MROH2A: variants seen among roughly 807,000 people sequenced by gnomAD.
MROH2A encodes maestro heat like repeat family member 2A, also known as maestro heat-like repeat-containing protein family member 2A.
Under a neutral mutation model 200.4 loss-of-function variants are expected in MROH2A, and 174 were observed. That is an observed-to-expected ratio of 0.87 (90% confidence interval 0.77 to 0.98). The LOEUF is 0.98. Among genes scored for constraint, MROH2A ranks in the 50% least tolerant of loss-of-function variants. The pLI, the probability that MROH2A is intolerant of heterozygous loss-of-function variation, is 0.00. For synonymous variants in MROH2A, 829 were observed against 840.4 expected (o/e 0.99, Z 0.23); for missense variants, 2,045 against 2,139.6 (o/e 0.96, Z 0.87).
intron 5 of MROH2A, among the ~76,000 whole-genome samples, chr2:233,790,879 T>C (rs1338438014): frequency 1.3e-5 from 2 of 152,052 alleles, no homozygotes; most frequent in African/African-American, 2.4e-5. Flanking sequence ...GTGACGGGTA[T>C]GAAGAGAGCA....
chr2:233,782,614 A>T (rs1013935592), intron 3 of MROH2A, among the ~76,000 whole-genome samples: 2 of 152,228 alleles, frequency 1.3e-5, no homozygotes, highest in African/African-American at 4.8e-5. Context: ...CAGTTTTTGG[A>T]TGGAGTCTTT....
chr2:233,790,408 C>T (rs1701644933), intron 5 of MROH2A, among the ~76,000 whole-genome samples: 1 of 130,262 alleles, frequency 7.7e-6, no homozygotes, highest in African/African-American at 3.0e-5. Flanking sequence ...CCATCCCACC[C>T]TTCCTTCCTC....
rs1331381343 is a variant in MROH2A, at chr2:233,788,886, G to C, written c.277-611G>C. 5.5e-5 allele frequency among the ~76,000 whole-genome samples: 8 copies of C among 145,854 alleles called. 1 individual carries two copies. The highest frequency in any genetic ancestry group is 1.5e-5 in the Non-Finnish European group (1 of 67,244). ...CCCGGGAGGCAGAGCTTGCAGTGAG[G>C]CGAAATCGCGCCACTGCACTCCAGC... On this transcript the variant is annotated intron_variant, in intron 3 of 41. Transcript: ENST00000389758.
intron 8 of MROH2A, 136 bp from the exon 9 acceptor site, chr2:233,795,517 G>C (rs2126114223): frequency 7.3e-7 from 1 of 1,365,076 alleles, no homozygotes; most frequent in South Asian, 1.4e-5. Context: ...GGTAGGGCCT[G>C]AGAGTCTGCA....
chr2:233,800,966 ATC>A (rs1188346933), intron 14 of MROH2A, among the ~76,000 whole-genome samples: 15 of 152,202 alleles, frequency 9.9e-5, no homozygotes, highest in Admixed American at 7.2e-4. Flanking sequence ...AATAATAATC[ATC>A]ATCATCATCA....
intron 19 of MROH2A, among the ~76,000 whole-genome samples, chr2:233,806,705 A>G (rs1005274654): frequency 6.6e-6 from 1 of 152,160 alleles, no homozygotes; most frequent in African/African-American, 2.4e-5. Flanking sequence ...AAGTTGAACA[A>G]ACTTACCCCT....
intron 3 of MROH2A, among the ~76,000 whole-genome samples, chr2:233,787,448 C>CATATATATTATATATATT (rs1553628095): frequency 8.8e-5 from 11 of 125,110 alleles, no homozygotes; most frequent in African/African-American, 1.3e-4. Flanking sequence ...TATACATATA[C>CATATATATTATATATATT]ATATATATTA....
chr2:233,788,938 C>CAAAAA (rs56084976), intron 3 of MROH2A, among the ~76,000 whole-genome samples: 7 of 47,486 alleles, frequency 1.5e-4, no homozygotes, highest in East Asian at 6.2e-4. Context: ...GACTCCGTCT[C>CAAAAA]AAAAAAAAAA....
At chr2:233,809,605 C>T (rs1047475978) in intron 22 of MROH2A, among the ~76,000 whole-genome samples, 2 of 152,108 alleles carry the variant, frequency 1.3e-5, no homozygotes, top group Non-Finnish European at 2.9e-5. Flanking sequence ...TGACCCAGAC[C>T]CTTTCATAAG....
chr2:233,819,618 C>T, intron 30 of MROH2A, 149 bp downstream of exon 30: 1 of 937,522 alleles, frequency 1.1e-6, no homozygotes, highest in Non-Finnish European at 1.6e-6. Context: ...AAACAGAGTT[C>T]TAGAGCTAGA....
rs1701594286 is a variant in MROH2A at position 233,789,604 on chromosome 2, C to T, written c.384C>T (p.Ser128=). ...TGCAGAGGCTGGTGGCCATTGCCTC[C>T]AAGGAGATGAGGGAGATCCCAGAGG... The part of the protein sequence containing the change: ...QCVQRLVAIA[S]KEMREIPEME... Residue 128 remains serine (S), a synonymous_variant, in exon 4 of 42, where the codon TCC becomes TCT. Coordinates refer to ENST00000389758, the MANE Select transcript of MROH2A (RefSeq NM_001394639.1). 3.4e-6 allele frequency: 5 copies of T among 1,478,828 alleles called. No homozygotes were observed. Among genetic ancestry groups the T allele is most frequent in the African/African-American group, 1.4e-5 (1 of 70,898 alleles). 91.6% of individuals were successfully genotyped at this position (1,478,828 alleles called of 1,614,324 possible).
chr2:233,795,120 G>A (rs920885254), intron 8 of MROH2A, among the ~76,000 whole-genome samples: 1 of 152,114 alleles, frequency 6.6e-6, no homozygotes, highest in Non-Finnish European at 1.5e-5. Context: ...TCCAAATAAG[G>A]TCACATTATC....
rs1173903801 is a variant in MROH2A at position 233,827,735 on chromosome 2, TA to T, written c.4114-885del. 2.4e-4 allele frequency among the ~76,000 whole-genome samples: 36 copies of T among 150,196 alleles called. 1 individual carries two copies. The highest frequency in any genetic ancestry group is 6.8e-3 in the Middle Eastern group (2 of 294). Reference sequence around the variant, plus strand: ...GTACCCCAGAACTAAAAATAAAAATTAAAAAAAAAATTAGGTTCAGGTTTAA... The same window carrying T: ...GTACCCCAGAACTAAAAATAAAAATTAAAAAAAAATTAGGTTCAGGTTTAA... On this transcript the variant is annotated intron_variant, in intron 35 of 41. Transcript: ENST00000389758.
At chr2:233,790,739 T>A (rs971271798) in intron 5 of MROH2A, among the ~76,000 whole-genome samples, 5 of 150,232 alleles carry the variant, frequency 3.3e-5, no homozygotes, top group Admixed American at 2.7e-4. Context: ...CCCAGAAGCA[T>A]GCGCTGAGCT....
Position 233,816,815 on chromosome 2 carries a change from G to A in MROH2A, c.2891G>A (p.Trp964Ter). Residue 964 changes from tryptophan (W) to a stop codon, truncating the protein, a stop_gained, in exon 27 of 42, where the codon TGG becomes TAG. Coordinates refer to ENST00000389758, the MANE Select transcript of MROH2A (RefSeq NM_001394639.1). LOFTEE classifies it high-confidence loss of function. The part of the protein sequence containing the change: ...LEKWILSEKE[W>*]EREKAVSLHL... Reference sequence around the variant, plus strand: ...AAGTGGATCTTGTCGGAGAAAGAATGGGAGCGGGAAAAGGCCGTGAGCCTC... The same window carrying A: ...AAGTGGATCTTGTCGGAGAAAGAATAGGAGCGGGAAAAGGCCGTGAGCCTC... The A allele has an allele frequency of 6.4e-7, 1 of 1,550,428 alleles. No homozygotes were observed. Among genetic ancestry groups the A allele is most frequent in the Non-Finnish European group, 8.7e-7 (1 of 1,146,892 alleles).
intron 3 of MROH2A, among the ~76,000 whole-genome samples, chr2:233,784,328 T>C (rs996346710): frequency 1.3e-5 from 2 of 152,216 alleles, no homozygotes; most frequent in Non-Finnish European, 2.9e-5. Context: ...TTACATAATT[T>C]CTATGTGTTT....
chr2:233,804,003 G>C, intron 16 of MROH2A, 48 bp from the exon 17 acceptor site: 1 of 1,539,806 alleles, frequency 6.5e-7, no homozygotes, highest in Non-Finnish European at 8.8e-7. Context: ...CCAAGACAAG[G>C]AGCAAGGTGC....
chr2:233,810,984 G>C, intron 23 of MROH2A, 68 bp downstream of exon 23: 1 of 1,520,552 alleles, frequency 6.6e-7, no homozygotes, highest in Middle Eastern at 1.9e-4. Flanking sequence ...GCGGTGAGAG[G>C]TTTTCAAAGT....
chr2:233,802,918 T>A (rs958120125), intron 15 of MROH2A, among the ~76,000 whole-genome samples: 1 of 152,244 alleles, frequency 6.6e-6, no homozygotes, highest in Admixed American at 6.5e-5. Context: ...GTCAATCCTC[T>A]GAGGTCTTCC....
Sources: gnomAD v4.1 joint callset for allele counts (sites outside exome capture counted in the v4.1 genomes callset) on GRCh38, gnomAD v4.1.1 for gene constraint, MANE v1.5 for transcripts, NCBI Gene and HGNC (gene_info 2026-07-23, HGNC 2026-07-21) for gene names.